The following DMD variants were observed in gnomAD, a reference collection of about 807,000 sequenced individuals.
The protein encoded by DMD is dystrophin.
In DMD, 63 loss-of-function variants were observed where a neutral mutation model predicts 330.1. The observed-to-expected ratio is 0.19, with a 90% confidence interval of 0.16 to 0.24. The LOEUF (loss-of-function observed/expected upper bound fraction) is 0.24. DMD is among the 10% of genes least tolerant of loss of function. The pLI, the probability that DMD is intolerant of heterozygous loss-of-function variation, is 1.00. For synonymous variants in DMD, 1,223 were observed against 959.8 expected (o/e 1.27, Z -5.07); for missense variants, 3,344 against 2,684.1 (o/e 1.25, Z -5.43).
intron 2 of DMD, among the ~76,000 whole-genome samples, chrX:33,000,560 T>C (rs1472444603): frequency 8.9e-6 from 1 of 111,969 alleles, no homozygotes; most frequent in Non-Finnish European, 1.9e-5. Flanking sequence ...GACCCCTCTA[T>C]AGCTATGCTG....
intron 42 of DMD, among the ~76,000 whole-genome samples, chrX:32,305,778 C>G (rs1465370620): frequency 9.0e-6 from 1 of 111,139 alleles, no homozygotes; most frequent in Admixed American, 9.6e-5. Context: ...TCACAACTCC[C>G]ATATCCTCAT....
chrX:33,121,525 G>A (rs1379695536), intron 1 of DMD, among the ~76,000 whole-genome samples: 1 of 112,007 alleles, frequency 8.9e-6, no homozygotes, highest in Non-Finnish European at 1.9e-5. Context: ...GAGCCACCAC[G>A]CCTGGCCTAT....
chrX:31,731,900 T>G (rs1052979041), intron 51 of DMD, among the ~76,000 whole-genome samples: 1 of 111,750 alleles, frequency 8.9e-6, no homozygotes, highest in African/African-American at 3.2e-5. Context: ...AACTTTAATC[T>G]GAACCTTACC....
chrX:32,297,771 G>A (rs2097504115), intron 42 of DMD, among the ~76,000 whole-genome samples: 1 of 111,603 alleles, frequency 9.0e-6, no homozygotes, highest in Non-Finnish European at 1.9e-5. Context: ...ATAAAGTGGG[G>A]GTCAGAATTT....
chrX:31,325,156 T>C (rs1162589124), intron 61 of DMD, among the ~76,000 whole-genome samples: 3 of 111,752 alleles, frequency 2.7e-5, no homozygotes, highest in Non-Finnish European at 3.8e-5. Flanking sequence ...CTCTATTCCT[T>C]TCTTTTCCCT....
chrX:31,245,967 T>C (rs1401058718), intron 63 of DMD, among the ~76,000 whole-genome samples: 4 of 111,987 alleles, frequency 3.6e-5, no homozygotes, highest in South Asian at 7.5e-4. Context: ...CTATTAATGA[T>C]TGAGCTTAGT....
rs372600090 is a variant in DMD at position 31,627,678 on chromosome X, A to G, written c.8212T>C (p.Trp2738Arg). 2.0e-5 allele frequency: 24 copies of G among 1,209,545 alleles called. No individual in the cohort carries two copies. The African/African-American group carries it at 4.0e-4, about 20-fold the overall frequency. The change falls in exon 55 of 79, where the codon TGG (tryptophan) becomes CGG (arginine). Residue 2738 changes from tryptophan (W) to arginine (R), a missense_variant. By Grantham distance (101) the Trp-to-Arg change is moderately radical (BLOSUM62 -3). Coordinates refer to ENST00000357033, the MANE Select transcript of DMD (RefSeq NM_004006.3). ...AGCGGAAATGCCTGACTTACTTGCC[A>G]TTGTTTCATCAGCTCTTTTACTCCC... ...SKGVKELMKQ[W>R]QDLQGEIEAH...
Position 33,290,809 on chromosome X carries a change from A to T in DMD, c.7+48450T>A, listed in dbSNP as rs750241175. 9.1e-4 allele frequency among the ~76,000 whole-genome samples: 101 copies of T among 111,596 alleles called. 1 individual carries two copies. The highest frequency in any genetic ancestry group is 3.2e-3 in the African/African-American group (99 of 30,809). ...GAATTTCTTTCCTCCTAGCTTAAAA[A>T]TACATCTACCCCTCCTTCATCCTTA... is the stretch of plus-strand genomic sequence containing the variant. On this transcript the variant is annotated intron_variant, in intron 1 of 17. Transcript: ENST00000288447.
chrX:32,999,986 A>G (rs1410754884), intron 2 of DMD, among the ~76,000 whole-genome samples: 1 of 112,237 alleles, frequency 8.9e-6, no homozygotes, highest in African/African-American at 3.2e-5. Flanking sequence ...GTTGAAAGTT[A>G]CCTTTCATTC....
At chrX:32,874,391 G>T (rs1234970651) in intron 2 of DMD, among the ~76,000 whole-genome samples, 2 of 111,559 alleles carry the variant, frequency 1.8e-5, no homozygotes, top group African/African-American at 6.5e-5. Flanking sequence ...ACCATCAATT[G>T]TTTCCTGCCA....
intron 60 of DMD, among the ~76,000 whole-genome samples, chrX:31,360,300 A>T (rs1263262233): frequency 8.9e-6 from 1 of 111,928 alleles, no homozygotes; most frequent in Non-Finnish European, 1.9e-5. Flanking sequence ...CAAGAAAAAC[A>T]AAAAAAGTTA....
chrX:32,807,119 A>AT (rs1314307480), intron 7 of DMD, among the ~76,000 whole-genome samples: 12 of 79,815 alleles, frequency 1.5e-4, no homozygotes, highest in South Asian at 1.3e-3. Flanking sequence ...AGACGGAAAC[A>AT]TTTAAAAAAA....
At chrX:31,554,674 T>C (rs771180681) in intron 55 of DMD, among the ~76,000 whole-genome samples, 59 of 112,095 alleles carry the variant, frequency 5.3e-4, no homozygotes, top group African/African-American at 1.7e-3. Flanking sequence ...TACAAATGAA[T>C]CATAATTGAA....
intron 43 of DMD, among the ~76,000 whole-genome samples, chrX:32,247,856 A>G (rs1308904676): frequency 8.9e-6 from 1 of 111,827 alleles, no homozygotes; most frequent in Non-Finnish European, 1.9e-5. Context: ...TCAGAATCAT[A>G]GTAGGGTCAC....
At position 32,287,419 on chromosome X, in the gene DMD, T is replaced by TA. The variant is rs2097446682; in HGVS notation, c.6290+109dup. On this transcript the variant is annotated intron_variant, in intron 43 of 78. Coordinates refer to ENST00000357033, the MANE Select transcript of DMD (RefSeq NM_004006.3). ...ACTTACCATTTTTCAATGAGAGTGA[T>TA]ACTTCTTTTTCCCTGTCTTTTTTCC... 17 of 726,978 alleles carry TA rather than the reference T, an allele frequency of 2.3e-5. No individual in the cohort carries two copies. In the East Asian group the frequency reaches 5.6e-4, roughly 24 times the overall value. 59.9% of individuals were successfully genotyped at this position (726,978 alleles called of 1,213,427 possible). A position where few individuals can be genotyped will look rare whatever the true frequency, so the allele number is the denominator to read the frequency against.
chrX:32,023,254 G>T (rs184499528), intron 44 of DMD, among the ~76,000 whole-genome samples: 39 of 111,552 alleles, frequency 3.5e-4, no homozygotes, highest in African/African-American at 1.2e-3. Context: ...ATTCCTAGGA[G>T]CATTAAATGT....
intron 50 of DMD, among the ~76,000 whole-genome samples, chrX:31,807,804 T>C (rs2092338205): frequency 8.9e-6 from 1 of 111,758 alleles, no homozygotes; most frequent in Non-Finnish European, 1.9e-5. Context: ...CTAGAGTATA[T>C]GGAGTCTTCA....
chrX:31,820,200 A>G (rs2092722554), intron 49 of DMD, 117 bp from the exon 50 acceptor site: 1 of 637,040 alleles, frequency 1.6e-6, no homozygotes, highest in African/African-American at 2.2e-5. Flanking sequence ...TTACTTCTAA[A>G]TTAACTTTAG....
At chrX:32,016,343 T>C (rs2095759924) in intron 44 of DMD, among the ~76,000 whole-genome samples, 1 of 111,617 alleles carries the variant, frequency 9.0e-6, no homozygotes, top group Admixed American at 9.5e-5. Flanking sequence ...ACTAAGATAG[T>C]ACCACCCGAG....
Sources: allele counts gnomAD v4.1 joint callset (sites outside exome capture counted in the v4.1 genomes callset), GRCh38; gene constraint gnomAD v4.1.1; transcripts MANE v1.5; gene names NCBI Gene and HGNC (gene_info 2026-07-23, HGNC 2026-07-21).